CCR3: variants seen among roughly 807,000 people sequenced by gnomAD.
The protein encoded by CCR3 is C-C motif chemokine receptor 3, also known as C-C chemokine receptor type 3.
For synonymous variants in CCR3, 203 were observed against 179.2 expected, an observed-to-expected ratio of 1.13 and a Z score of -1.06; for missense variants, 419 against 437.5, an observed-to-expected ratio of 0.96 and a Z score of 0.38.
intron 2 of CCR3, among the ~76,000 whole-genome samples, chr3:46,232,768 T>C (rs67676925): frequency 0.056 from 8,536 of 152,260 alleles, 349 homozygotes; most frequent in South Asian, 0.15. Flanking sequence ...CCTCCCCCAA[T>C]AGCACAGCTT....
intron 2 of CCR3, among the ~76,000 whole-genome samples, chr3:46,226,055 A>G (rs1393033181): frequency 2.0e-5 from 3 of 152,202 alleles, no homozygotes; most frequent in African/African-American, 2.4e-5. Context: ...CTCTCTGCCA[A>G]TATCACTCTA....
At chr3:46,237,349 G>A (rs76635615) in intron 2 of CCR3, among the ~76,000 whole-genome samples, 2,152 of 152,222 alleles carry the variant, frequency 0.014, 51 homozygotes, top group African/African-American at 0.048. Context: ...TAGTACTTGG[G>A]TGAATGGTTT....
At position 46,266,561 on chromosome 3, in the gene CCR3, C is replaced by T. The variant is rs538533006; in HGVS notation, c.*335C>T. 1 of 224,042 alleles carries T rather than the reference C, an allele frequency of 4.5e-6. No individual in the cohort carries two copies. Among genetic ancestry groups the T allele is most frequent in the Middle Eastern group, 1.8e-3 (1 of 560 alleles). 13.9% of individuals were successfully genotyped at this position (224,042 alleles called of 1,614,324 possible). A position where few individuals can be genotyped will look rare whatever the true frequency, so the allele number is the denominator to read the frequency against. ...AAGGTAAAACTTTTTATATTTTATA[C>T]ATTAACTTCAGCCAGCTATTGATAT... is the stretch of plus-strand genomic sequence containing the variant. On this transcript the variant is annotated 3_prime_UTR_variant, in exon 2 of 2. Coordinates refer to ENST00000395940, the MANE Select transcript of CCR3 (RefSeq NM_178329.3).
intron 2 of CCR3, among the ~76,000 whole-genome samples, chr3:46,218,192 T>C (rs943356771): frequency 6.6e-6 from 1 of 151,844 alleles, no homozygotes; most frequent in Admixed American, 6.6e-5. Context: ...ATAAGCAAAC[T>C]TATGTGCACA....
At chr3:46,221,519 G>C (rs1699836959) in intron 2 of CCR3, among the ~76,000 whole-genome samples, 1 of 152,338 alleles carries the variant, frequency 6.6e-6, no homozygotes, top group Non-Finnish European at 1.5e-5. Flanking sequence ...TTCACAAAGA[G>C]AGGTCCTGAC....
chr3:46,247,242 T>G lies in CCR3; in HGVS notation c.-12+4704T>G, dbSNP rs1049448471. 2.0e-5 allele frequency among the ~76,000 whole-genome samples: 3 copies of G among 151,742 alleles called. 1 individual carries two copies. The highest frequency in any genetic ancestry group is 7.3e-5 in the African/African-American group (3 of 41,256). ...TAAACAAGAGCAGGGCATGTATGAG[T>G]AGTTGAGAACAGAGAACAGGAGTAT... On this transcript the variant is annotated intron_variant, in intron 1 of 1. Transcript: ENST00000395940.
chr3:46,225,765 T>C (rs1288753003), intron 2 of CCR3, among the ~76,000 whole-genome samples: 1 of 152,244 alleles, frequency 6.6e-6, no homozygotes, highest in African/African-American at 2.4e-5. Context: ...GAATTTTTGC[T>C]TTTTTGCTTT....
In CCR3 at chr3:46,266,327, G is replaced by A; in HGVS notation, c.*101G>A. ...TCTAAAACAGTCCTTCAAACTTCCA[G>A]TGCAACACTGAAGCTCTTGAAGACA... On this transcript the variant is annotated 3_prime_UTR_variant, in exon 2 of 2. Transcript: ENST00000395940. 1.4e-6 allele frequency: 1 copy of A among 705,296 alleles called. No homozygotes were observed. Among genetic ancestry groups the A allele is most frequent in the South Asian group, 1.9e-5 (1 of 53,052 alleles). 43.7% of individuals were successfully genotyped at this position (705,296 alleles called of 1,614,324 possible). A position where few individuals can be genotyped will look rare whatever the true frequency, so the allele number is the denominator to read the frequency against.
At chr3:46,223,270 G>A (rs1231543346) in intron 2 of CCR3, among the ~76,000 whole-genome samples, 1 of 152,202 alleles carries the variant, frequency 6.6e-6, no homozygotes, top group Non-Finnish European at 1.5e-5. Flanking sequence ...AGCCCAGGAT[G>A]TGGAGGTTGC....
chr3:46,248,593 TTA>T (rs1700245048), intron 1 of CCR3, among the ~76,000 whole-genome samples: 1 of 152,102 alleles, frequency 6.6e-6, no homozygotes, highest in Admixed American at 6.5e-5. Context: ...ACGTGTGTTT[TTA>T]TGAGAATTAT....
chr3:46,242,963 G>GTATAGATATATATACACATATATA (rs1700111354), intron 1 of CCR3, among the ~76,000 whole-genome samples: 1 of 86,298 alleles, frequency 1.2e-5, no homozygotes, highest in Non-Finnish European at 2.2e-5. Context: ...ATATATATGT[G>GTATAGATATATATACACATATATA]TATATATATA....
intron 1 of CCR3, among the ~76,000 whole-genome samples, chr3:46,256,815 A>G (rs1372634393): frequency 6.6e-6 from 1 of 152,160 alleles, no homozygotes; most frequent in Non-Finnish European, 1.5e-5. Context: ...GATGAGATCA[A>G]TCGAGAATCA....
At chr3:46,222,952 C>G (rs964568457) in intron 2 of CCR3, among the ~76,000 whole-genome samples, 1 of 152,130 alleles carries the variant, frequency 6.6e-6, no homozygotes, top group Admixed American at 6.5e-5. Flanking sequence ...TCAAGAAACC[C>G]TTCATGCTAA....
At chr3:46,240,088 G>T (rs1164879175), upstream of CCR3, among the ~76,000 whole-genome samples, 1 of 152,052 alleles carries the variant, frequency 6.6e-6, no homozygotes, top group Non-Finnish European at 1.5e-5. Context: ...GTCATTGACC[G>T]CCTGTTGGCA....
At chr3:46,257,638 G>C (rs1182246142) in intron 1 of CCR3, among the ~76,000 whole-genome samples, 1 of 152,012 alleles carries the variant, frequency 6.6e-6, no homozygotes, top group Admixed American at 6.6e-5. Flanking sequence ...CAGTAAGAAG[G>C]ATGATACTCA....
At chr3:46,228,016 A>G (rs745597460) in intron 2 of CCR3, among the ~76,000 whole-genome samples, 2 of 152,178 alleles carry the variant, frequency 1.3e-5, no homozygotes, top group Non-Finnish European at 2.9e-5. Flanking sequence ...CCTAGTCAAC[A>G]TACCTAGAGA....
At chr3:46,226,974 C>T (rs971178591) in intron 2 of CCR3, among the ~76,000 whole-genome samples, 22 of 151,922 alleles carry the variant, frequency 1.4e-4, no homozygotes, top group African/African-American at 3.4e-4. Flanking sequence ...CAGGTTCAAG[C>T]GATTCTCATG....
chr3:46,249,712 C>A (rs1370906781), intron 1 of CCR3, among the ~76,000 whole-genome samples: 1 of 152,142 alleles, frequency 6.6e-6, no homozygotes, highest in Non-Finnish European at 1.5e-5. Context: ...GGGCTGCAGG[C>A]ATTCCTTGGC....
intron 2 of CCR3, among the ~76,000 whole-genome samples, chr3:46,231,374 T>G (rs1464970277): frequency 6.6e-6 from 1 of 152,238 alleles, no homozygotes; most frequent in East Asian, 1.9e-4. Context: ...TCCAAAACAC[T>G]TTATTACTCA....
Sources: allele counts gnomAD v4.1 joint callset (sites outside exome capture counted in the v4.1 genomes callset), GRCh38; gene constraint gnomAD v4.1.1; transcripts MANE v1.5; gene names NCBI Gene and HGNC (gene_info 2026-07-23, HGNC 2026-07-21).